PGCKA1: variants seen among roughly 807,000 people sequenced by gnomAD.
PGCKA1 encodes the protein PDCD10 and GCKIII kinases-associated protein 1.
the PGCKA1 span, among the ~76,000 whole-genome samples, chr4:37,530,250 TG>T: frequency 5.9e-3 from 896 of 152,074 alleles, 8 homozygotes; most frequent in African/African-American, 0.021. Flanking sequence ...TTCACTTTTT[TG>T]TTGTTGTTTT....
the PGCKA1 span, among the ~76,000 whole-genome samples, chr4:37,457,030 A>T: frequency 1.3e-5 from 2 of 152,224 alleles, no homozygotes; most frequent in Non-Finnish European, 2.9e-5. Context: ...TTTCATTGCA[A>T]TGTTCATGTG....
the PGCKA1 span, among the ~76,000 whole-genome samples, chr4:37,492,446 G>A: frequency 6.6e-6 from 1 of 152,182 alleles, no homozygotes; most frequent in African/African-American, 2.4e-5. The surrounding 1 kb of genome is among the most constrained non-coding windows in gnomAD (Gnocchi z 4.7). Flanking sequence ...AGTTGTTAGG[G>A]AGCTTCCAAT....
At chr4:37,485,787 C>A in the PGCKA1 span, among the ~76,000 whole-genome samples, 1 of 152,178 alleles carries the variant, frequency 6.6e-6, no homozygotes, top group Non-Finnish European at 1.5e-5. Flanking sequence ...CAGTCAGCTA[C>A]TTCCCAAGAA....
At chr4:37,489,383 C>T in the PGCKA1 span, among the ~76,000 whole-genome samples, 1 of 152,176 alleles carries the variant, frequency 6.6e-6, no homozygotes, top group East Asian at 1.9e-4. Flanking sequence ...TGTTATGTCT[C>T]TGTTTTTTTG....
the PGCKA1 span, among the ~76,000 whole-genome samples, chr4:37,463,445 C>T: frequency 2.0e-5 from 3 of 152,064 alleles, no homozygotes; most frequent in Non-Finnish European, 2.9e-5. Context: ...TGATGCTCAC[C>T]AGGATTTGGT....
the PGCKA1 span, chr4:37,588,252 CT>C: frequency 6.6e-6 from 1 of 152,426 alleles, no homozygotes; most frequent in Non-Finnish European, 1.5e-5. Context: ...CAAATCATAG[CT>C]GAGATTGGCC....
the PGCKA1 span, among the ~76,000 whole-genome samples, chr4:37,522,226 G>T: frequency 6.6e-6 from 1 of 151,984 alleles, no homozygotes; most frequent in South Asian, 2.1e-4. Context: ...AAGGACTAGG[G>T]TCAAAAGCCT....
At chr4:37,495,138 G>A in the PGCKA1 span, among the ~76,000 whole-genome samples, 9 of 151,944 alleles carry the variant, frequency 5.9e-5, no homozygotes, top group African/African-American at 7.3e-5. Context: ...AAAGCTCATC[G>A]TCACTGGTCA....
At chr4:37,492,156 C>T in the PGCKA1 span, among the ~76,000 whole-genome samples, 1 of 152,042 alleles carries the variant, frequency 6.6e-6, no homozygotes, top group Non-Finnish European at 1.5e-5. The surrounding 1 kb of genome is among the most constrained non-coding windows in gnomAD (Gnocchi z 4.7). Flanking sequence ...ATTCTCCTAC[C>T]TCAGCCTCCC....
At chr4:37,466,776 A>C in the PGCKA1 span, among the ~76,000 whole-genome samples, 1 of 152,122 alleles carries the variant, frequency 6.6e-6, no homozygotes, top group Admixed American at 6.6e-5. Flanking sequence ...ATTGTTTGTG[A>C]TGAAAAAAAT....
chr4:37,522,541 G>A, the PGCKA1 span, among the ~76,000 whole-genome samples: 1 of 151,924 alleles, frequency 6.6e-6, no homozygotes, highest in Non-Finnish European at 1.5e-5. Flanking sequence ...CTGGAATCTG[G>A]GACCCCAAGA....
the PGCKA1 span, among the ~76,000 whole-genome samples, chr4:37,470,863 T>C: frequency 1.3e-5 from 2 of 152,212 alleles, no homozygotes; most frequent in Non-Finnish European, 2.9e-5. Context: ...TAAATTATTT[T>C]GAGTGGCTAT....
the PGCKA1 span, among the ~76,000 whole-genome samples, chr4:37,567,675 A>T: frequency 0.091 from 13,793 of 151,340 alleles, 863 homozygotes; most frequent in African/African-American, 0.16. Flanking sequence ...TTTCTCTCTC[A>T]CACACACACA....
the PGCKA1 span, among the ~76,000 whole-genome samples, chr4:37,468,854 A>G: frequency 1.3e-5 from 2 of 152,180 alleles, no homozygotes; most frequent in African/African-American, 4.8e-5. Context: ...ATATTTAAGT[A>G]TCCATGTAAT....
chr4:37,589,534 GT>G, the PGCKA1 span, among the ~76,000 whole-genome samples: 3 of 151,996 alleles, frequency 2.0e-5, no homozygotes, highest in Non-Finnish European at 2.9e-5. Flanking sequence ...TGTTTTATTT[GT>G]TTTTTATTTT....
At chr4:37,488,840 A>G in the PGCKA1 span, among the ~76,000 whole-genome samples, 2 of 152,138 alleles carry the variant, frequency 1.3e-5, no homozygotes, top group Admixed American at 1.3e-4. Context: ...TGACTCTTCC[A>G]GTGTAAACCT....
the PGCKA1 span, among the ~76,000 whole-genome samples, chr4:37,464,854 G>C: frequency 2.0e-5 from 3 of 152,212 alleles, no homozygotes; most frequent in Non-Finnish European, 4.4e-5. Context: ...TTCCATGTTT[G>C]TATTAGTGTG....
At chr4:37,511,046 G>A in the PGCKA1 span, among the ~76,000 whole-genome samples, 13 of 151,852 alleles carry the variant, frequency 8.6e-5, no homozygotes, top group Admixed American at 5.9e-4. Context: ...AGGCCAAAGG[G>A]CTCTTCAGTC....
chr4:37,584,807 CCTT>C, the PGCKA1 span, among the ~76,000 whole-genome samples: 1 of 151,950 alleles, frequency 6.6e-6, no homozygotes, highest in Non-Finnish European at 1.5e-5. Context: ...TTCTTGCCCT[CCTT>C]CGCCTTTCCT....
Sources: gnomAD v4.1 joint callset for allele counts (sites outside exome capture counted in the v4.1 genomes callset) on GRCh38, gnomAD v4.1.1 for gene constraint, Gnocchi (gnomAD v3.1) non-coding constraint, MANE v1.5 for transcripts, NCBI Gene and HGNC (gene_info 2026-07-23, HGNC 2026-07-21) for gene names.